Variants in SAMD13 observed in about 807,000 individuals in gnomAD.
SAMD13 encodes the protein sterile alpha motif domain-containing protein 13.
Under a neutral mutation model 12.4 loss-of-function variants are expected in SAMD13, and 9 were observed. The observed-to-expected ratio is 0.72, with a 90% CI of 0.44 to 1.26. The LOEUF (loss-of-function observed/expected upper bound fraction) is 1.26, where lower values mean the gene tolerates loss of function less well. SAMD13 is among the 50% of genes most tolerant of loss of function. The pLI, the probability that SAMD13 is intolerant of heterozygous loss-of-function variation, is 0.00. For synonymous variants in SAMD13, 46 were observed against 45.4 expected (o/e 1.01, Z -0.05); for missense variants, 84 against 119.6 (o/e 0.70, Z 1.39).
chr1:84,333,645 A>G (rs1050991234), intron 3 of SAMD13, among the ~76,000 whole-genome samples: 2 of 152,168 alleles, frequency 1.3e-5, no homozygotes, highest in Non-Finnish European at 2.9e-5. Flanking sequence ...TTTTCTAGGT[A>G]TAGAATCATA....
chr1:84,305,449 A>G (rs1042349893), intron 2 of SAMD13, among the ~76,000 whole-genome samples: 1 of 152,064 alleles, frequency 6.6e-6, no homozygotes, highest in Non-Finnish European at 1.5e-5. Context: ...TGTGTGACCT[A>G]TCATTTCATT....
chr1:84,313,827 A>G (rs1678767282), intron 2 of SAMD13, among the ~76,000 whole-genome samples: 1 of 152,126 alleles, frequency 6.6e-6, no homozygotes, highest in Non-Finnish European at 1.5e-5. Flanking sequence ...CAAAGGCATA[A>G]AAAAAATTTT....
chr1:84,333,495 A>G (rs1679234315), intron 3 of SAMD13, among the ~76,000 whole-genome samples: 1 of 151,948 alleles, frequency 6.6e-6, no homozygotes, highest in Non-Finnish European at 1.5e-5. Flanking sequence ...TGCATTCCTG[A>G]TTTGGCTGTC....
chr1:84,303,259 A>G lies in SAMD13; in HGVS notation c.25A>G (p.Lys9Glu), dbSNP rs1333046265. 6.2e-7 allele frequency: 1 copy of G among 1,613,088 alleles called. No homozygotes were observed. The highest frequency in any genetic ancestry group is 8.5e-7 in the Non-Finnish European group (1 of 1,179,182). Residue 9 changes from lysine to glutamate, a missense_variant, in exon 2 of 4, where the codon AAG becomes GAG. Transcript: ENST00000394834. Reference protein sequence around the residue: MLSVDMENKENGSVGVKNS... With the variant: MLSVDMENEENGSVGVKNS... ...CATGCTATCTGTTGACATGGAAAAC[A>G]AGGAAAATGGCTCTGTCGGTGTAAA...
chr1:84,342,411 C>T (rs1348288047), intron 3 of SAMD13, among the ~76,000 whole-genome samples: 2 of 151,996 alleles, frequency 1.3e-5, no homozygotes, highest in African/African-American at 4.8e-5. Flanking sequence ...CAATCCTAAG[C>T]AAAAAGAACA....
chr1:84,302,541 TACAC>T (rs58540263), intron 1 of SAMD13: 9,054 of 204,532 alleles, frequency 0.044, 284 homozygotes, highest in African/African-American at 0.11. Context: ...TTCTTACACA[TACAC>T]ACACACACAC....
rs1031675815 is a variant in SAMD13 at position 84,346,063 on chromosome 1, T to C, written c.166-3568T>C. ...AGTGATCAGTGCATGTCAGGAATTC[T>C]ACTTCACAAAAGTTACCTCAATAAT... On this transcript the variant is annotated intron_variant, in intron 3 of 3. Transcript: ENST00000394834. 2.0e-5 allele frequency among the ~76,000 whole-genome samples: 3 copies of C among 152,314 alleles called. No individual in the cohort carries two copies. The South Asian group carries it at 6.2e-4, about 32-fold the overall frequency.
intron 2 of SAMD13, among the ~76,000 whole-genome samples, chr1:84,308,013 C>T (rs943031228): frequency 6.6e-6 from 1 of 152,070 alleles, no homozygotes; most frequent in South Asian, 2.1e-4. Context: ...CCAGAGTTCT[C>T]TTTTTTTGTA....
intron 3 of SAMD13, among the ~76,000 whole-genome samples, chr1:84,335,993 C>T (rs959690439): frequency 6.6e-6 from 1 of 152,122 alleles, no homozygotes; most frequent in Non-Finnish European, 1.5e-5. Flanking sequence ...AATTTCATTT[C>T]AACCTTGGTG....
At chr1:84,313,292 CTT>C (rs1678755246) in intron 2 of SAMD13, among the ~76,000 whole-genome samples, 1 of 152,018 alleles carries the variant, frequency 6.6e-6, no homozygotes, top group African/African-American at 2.4e-5. Context: ...ATAGTATTCT[CTT>C]TTTTGTGGAT....
At chr1:84,301,659 C>A (rs929035965), upstream of SAMD13, 1 of 985,268 alleles carries the variant, frequency 1.0e-6, no homozygotes, top group Non-Finnish European at 1.2e-6. Flanking sequence ...TGGCTGAGAG[C>A]CAGCCTGGTT....
chr1:84,344,335 C>A (rs1048998769), intron 3 of SAMD13, among the ~76,000 whole-genome samples: 1 of 152,118 alleles, frequency 6.6e-6, no homozygotes, highest in Non-Finnish European at 1.5e-5. Flanking sequence ...TAAGGTGAAG[C>A]CTCCCCACAG....
intron 3 of SAMD13, among the ~76,000 whole-genome samples, chr1:84,341,541 A>C (rs910890979): frequency 6.6e-6 from 1 of 152,060 alleles, no homozygotes; most frequent in South Asian, 2.1e-4. Flanking sequence ...GGATTGCTGG[A>C]CTCATCCTGG....
chr1:84,299,909 T>C (rs1441357067), upstream of SAMD13, among the ~76,000 whole-genome samples: 1 of 152,062 alleles, frequency 6.6e-6, no homozygotes, highest in Non-Finnish European at 1.5e-5. Context: ...CAGGAAGAGA[T>C]GCTTGGAAAA....
chr1:84,327,426 C>G (rs1679082318), intron 3 of SAMD13, among the ~76,000 whole-genome samples: 1 of 151,972 alleles, frequency 6.6e-6, no homozygotes, highest in East Asian at 1.9e-4. Context: ...CAGGGGTTGC[C>G]TCTGGCTGCG....
intron 3 of SAMD13, chr1:84,344,732 AT>A (rs754176251): frequency 3.7e-4 from 134 of 364,622 alleles, no homozygotes; most frequent in Non-Finnish European, 6.2e-4. Flanking sequence ...CTCCCCTGAT[AT>A]TAAGAAGGCT....
At chr1:84,298,722 ACCCAC>A (rs1378492570), upstream of SAMD13, among the ~76,000 whole-genome samples, 2 of 152,100 alleles carry the variant, frequency 1.3e-5, no homozygotes, top group Non-Finnish European at 2.9e-5. Context: ...AGCTCGTTGC[ACCCAC>A]GGACGTGGGC....
chr1:84,347,754 G>C (rs150443651), intron 3 of SAMD13, among the ~76,000 whole-genome samples: 1 of 152,158 alleles, frequency 6.6e-6, no homozygotes, highest in Non-Finnish European at 1.5e-5. Context: ...CTTCAGCACG[G>C]CTACTGTGGT....
At chr1:84,324,166 C>A (rs1208684207) in intron 2 of SAMD13, among the ~76,000 whole-genome samples, 2 of 152,182 alleles carry the variant, frequency 1.3e-5, no homozygotes, top group Non-Finnish European at 2.9e-5. Context: ...CAATAGACTT[C>A]TCACTGGCTT....
Sources: gnomAD v4.1 joint callset for allele counts (sites outside exome capture counted in the v4.1 genomes callset) on GRCh38, gnomAD v4.1.1 for gene constraint, MANE v1.5 for transcripts, NCBI Gene and HGNC (gene_info 2026-07-23, HGNC 2026-07-21) for gene names.